The following CTNND2 variants were observed in gnomAD, a reference collection of about 807,000 sequenced individuals.
CTNND2 encodes catenin delta 2, also known as catenin delta-2.
In CTNND2, 22 loss-of-function variants were observed where a neutral mutation model predicts 144.4. The ratio of observed to expected loss-of-function variants is 0.15; its 90% CI spans 0.11 to 0.22. The LOEUF (loss-of-function observed/expected upper bound fraction) is 0.22, where lower values mean the gene tolerates loss of function less well. Among genes scored for constraint, CTNND2 ranks in the 10% least tolerant of loss-of-function variants. The pLI is 1.00. For missense variants in CTNND2, 1,353 were observed against 1,618.8 expected, an observed-to-expected ratio of 0.84 and a Z score of 2.82; for synonymous variants, 751 against 695.6, an observed-to-expected ratio of 1.08 and a Z score of -1.25.
intron 2 of CTNND2, among the ~76,000 whole-genome samples, chr5:11,648,773 T>C (rs1361417692): frequency 6.6e-6 from 1 of 152,170 alleles, no homozygotes; most frequent in African/African-American, 2.4e-5. Flanking sequence ...TGACACTCAA[T>C]AGACTTTGAG....
At position 10,973,344 on chromosome 5, in the gene CTNND2, G is replaced by T. The variant is rs892044249; in HGVS notation, c.*109C>A. On this transcript the variant is annotated 3_prime_UTR_variant, in exon 22 of 22. Transcript: ENST00000304623. The surrounding 1 kb of genome is among the most constrained non-coding windows in gnomAD (Gnocchi z 5.6). ...TACTGGTTATCACAGCCTTCCTATG[G>T]AACAGGCTTTAACAAACTAAATTTG... 1.8e-5 allele frequency: 21 copies of T among 1,196,848 alleles called. No individual in the cohort carries two copies. The highest frequency in any genetic ancestry group is 3.1e-5 in the Admixed American group (1 of 32,590). 74.1% of individuals were successfully genotyped at this position (1,196,848 alleles called of 1,614,324 possible).
chr5:11,591,194 T>C (rs534382760), intron 2 of CTNND2, among the ~76,000 whole-genome samples: 2 of 152,190 alleles, frequency 1.3e-5, no homozygotes, highest in African/African-American at 4.8e-5. Context: ...CTCACCATCA[T>C]TCTCTGTGAA....
intron 16 of CTNND2, among the ~76,000 whole-genome samples, chr5:11,049,724 G>A (rs987192970): frequency 6.6e-6 from 1 of 152,188 alleles, no homozygotes; most frequent in Non-Finnish European, 1.5e-5. Flanking sequence ...TTTGTGCATG[G>A]AATGTGTCCA....
At chr5:11,457,662 T>A (rs1417199012) in intron 3 of CTNND2, among the ~76,000 whole-genome samples, 1 of 152,202 alleles carries the variant, frequency 6.6e-6, no homozygotes, top group African/African-American at 2.4e-5. Context: ...AGGGTTGTGC[T>A]GGATTATTCT....
chr5:11,626,374 G>A (rs1781154782), intron 2 of CTNND2, among the ~76,000 whole-genome samples: 1 of 152,172 alleles, frequency 6.6e-6, no homozygotes, highest in African/African-American at 2.4e-5. Context: ...TACTATATGT[G>A]ATATTTAGTA....
chr5:11,322,510 G>A lies in CTNND2; in HGVS notation c.1628+23862C>T, dbSNP rs369786345. On this transcript the variant is annotated intron_variant, in intron 9 of 21. Transcript: ENST00000304623. ...TATCCCACACAAGAGTTCCACTGAAGTGTCATTTCACTCTATATATAAAAG... is the reference window on the plus strand; with the variant it reads ...TATCCCACACAAGAGTTCCACTGAAATGTCATTTCACTCTATATATAAAAG... Among the ~76,000 whole-genome samples, 31 of 152,316 alleles carry A rather than the reference G, an allele frequency of 2.0e-4. No individual in the cohort carries two copies. The East Asian group carries it at 3.9e-3, about 19-fold the overall frequency.
chr5:11,047,520 T>A (rs927756367), intron 16 of CTNND2, among the ~76,000 whole-genome samples: 6 of 152,160 alleles, frequency 3.9e-5, no homozygotes, highest in Non-Finnish European at 8.8e-5. Flanking sequence ...TGGCTCCATG[T>A]CTACATACAC....
chr5:11,668,898 G>A (rs185379952), intron 2 of CTNND2, among the ~76,000 whole-genome samples: 1,898 of 152,134 alleles, frequency 0.012, 37 homozygotes, highest in African/African-American at 0.044. Context: ...AGTGGCTGTC[G>A]GATTACCATA....
intron 14 of CTNND2, among the ~76,000 whole-genome samples, chr5:11,102,523 A>G (rs1205321691): frequency 1.3e-5 from 2 of 152,124 alleles, no homozygotes; most frequent in Non-Finnish European, 2.9e-5. Context: ...ATTTTTTGCC[A>G]CTCCAAATAG....
In CTNND2 at chr5:11,305,600, G is replaced by C. The variant is rs560674145; in HGVS notation, c.1628+40772C>G. On this transcript the variant is annotated intron_variant, in intron 9 of 21. Coordinates refer to ENST00000304623, the MANE Select transcript of CTNND2 (RefSeq NM_001332.4). ...GTCCTCCTTATAAAAATGTCCCTCA[G>C]TGTCTGCTATGAGCCAGGTGCAGAC... Among the ~76,000 whole-genome samples, 70 of 152,228 alleles carry C rather than the reference G, an allele frequency of 4.6e-4. 1 individual carries two copies. In the South Asian group the frequency reaches 0.014, roughly 31 times the overall value.
intron 3 of CTNND2, among the ~76,000 whole-genome samples, chr5:11,520,502 G>C (rs1772628532): frequency 6.6e-6 from 1 of 152,246 alleles, no homozygotes; most frequent in Non-Finnish European, 1.5e-5. Flanking sequence ...CAGGCCTAAA[G>C]TGACTGCGTT....
chr5:11,165,379 T>G (rs566591844), intron 11 of CTNND2, among the ~76,000 whole-genome samples: 4 of 152,308 alleles, frequency 2.6e-5, no homozygotes, highest in Non-Finnish European at 5.9e-5. Context: ...GGAAAAACTA[T>G]AAAACTGATG....
At chr5:11,358,151 G>C in intron 8 of CTNND2, among the ~76,000 whole-genome samples, 1 of 152,072 alleles carries the variant, frequency 6.6e-6, no homozygotes, top group East Asian at 1.9e-4. Context: ...CCAGGTCAAG[G>C]CCAGCTGTGT....
intron 9 of CTNND2, among the ~76,000 whole-genome samples, chr5:11,273,112 GTT>G (rs1030247509): frequency 1.3e-5 from 2 of 152,088 alleles, no homozygotes; most frequent in African/African-American, 4.8e-5. Flanking sequence ...GTGAAAATGT[GTT>G]TTCTCTCCTG....
chr5:11,506,487 T>C (rs746596661), intron 3 of CTNND2, among the ~76,000 whole-genome samples: 1 of 152,196 alleles, frequency 6.6e-6, no homozygotes, highest in Non-Finnish European at 1.5e-5. Context: ...GAGGACAGCA[T>C]GAGGACTATG....
At chr5:11,200,155 G>A (rs1215068601) in intron 10 of CTNND2, among the ~76,000 whole-genome samples, 1 of 152,168 alleles carries the variant, frequency 6.6e-6, no homozygotes, top group Middle Eastern at 3.2e-3. Flanking sequence ...ATTGACACAA[G>A]GAGTTTTATC....
At chr5:11,630,954 C>CAA (rs200482921) in intron 2 of CTNND2, among the ~76,000 whole-genome samples, 1,496 of 140,932 alleles carry the variant, frequency 0.011, 10 homozygotes, top group East Asian at 0.028. Flanking sequence ...AACTCCATCT[C>CAA]AAAAAAAAAA....
intron 2 of CTNND2, among the ~76,000 whole-genome samples, chr5:11,724,853 G>C (rs1786917143): frequency 1.3e-5 from 2 of 152,034 alleles, no homozygotes; most frequent in South Asian, 4.1e-4. Flanking sequence ...CTATTGACTT[G>C]GGGAATGAAG....
chr5:11,352,558 C>G (rs1273007324), intron 8 of CTNND2, among the ~76,000 whole-genome samples: 1 of 151,984 alleles, frequency 6.6e-6, no homozygotes, highest in Non-Finnish European at 1.5e-5. Flanking sequence ...ACTTAAACAA[C>G]AACAAAAAAA....
Sources: gnomAD v4.1 joint callset for allele counts (sites outside exome capture counted in the v4.1 genomes callset) on GRCh38, gnomAD v4.1.1 for gene constraint, Gnocchi (gnomAD v3.1) non-coding constraint, MANE v1.5 for transcripts, NCBI Gene and HGNC (gene_info 2026-07-23, HGNC 2026-07-21) for gene names.